ATXN3: variants seen among roughly 807,000 people sequenced by gnomAD.
ATXN3 encodes the protein ataxin 3.
In ATXN3, 28 loss-of-function variants were observed where a neutral mutation model predicts 58.2. The observed-to-expected ratio is 0.48, with a 90% CI of 0.36 to 0.66. The LOEUF (loss-of-function observed/expected upper bound fraction) is 0.66, where lower values mean the gene tolerates loss of function less well. Ranked by LOEUF, ATXN3 falls within the 30% of genes least tolerant of loss-of-function variation. The pLI is 0.00. For synonymous variants in ATXN3, 113 were observed against 138.5 expected (o/e 0.82, Z 1.29); for missense variants, 321 against 422.1 (o/e 0.76, Z 2.10).
intron 2 of ATXN3, 146 bp from the exon 3 acceptor site, chr14:92,096,283 C>G (rs1384380472): frequency 6.5e-7 from 1 of 1,533,722 alleles, no homozygotes; most frequent in Non-Finnish European, 8.7e-7. Flanking sequence ...CAGTCAGATC[C>G]CTATAGGAAG....
chr14:92,044,917 G>A (rs2057419361), exon 3 of ATXN3: 1 of 152,192 alleles, frequency 6.6e-6, no homozygotes, highest in Admixed American at 6.5e-5. Context: ...TTCTTAATAA[G>A]AACTGATCGT....
upstream of ATXN3, chr14:92,049,788 T>C (rs2057441841): frequency 6.6e-6 from 1 of 152,482 alleles, no homozygotes. Context: ...ACAGGCTTTG[T>C]GTGAGCAACA....
intron 4 of ATXN3, 82 bp downstream of exon 4, chr14:92,093,664 G>A (rs1997920): frequency 0.26 from 286,599 of 1,084,570 alleles, 39,936 homozygotes; most frequent in East Asian, 0.46. Flanking sequence ...TATTCAAAAT[G>A]TATTTCTCTT....
intron 1 of ATXN3, among the ~76,000 whole-genome samples, chr14:92,097,915 A>G (rs2065814666): frequency 6.6e-6 from 1 of 152,156 alleles, no homozygotes; most frequent in Non-Finnish European, 1.5e-5. Flanking sequence ...GGTAACATTT[A>G]TTTTACAAAT....
At chr14:92,078,357 A>ATTAT (rs71301947) in intron 9 of ATXN3, among the ~76,000 whole-genome samples, 34,508 of 150,110 alleles carry the variant, frequency 0.23, 4,883 homozygotes, top group Admixed American at 0.35. Context: ...GTTATTTTTT[A>ATTAT]TTATTTATTT....
intron 10 of ATXN3, among the ~76,000 whole-genome samples, chr14:92,066,601 G>GGTTT (rs1566910261): frequency 9.3e-6 from 1 of 107,022 alleles, no homozygotes; most frequent in African/African-American, 3.6e-5. Context: ...TTTTTTTCTT[G>GGTTT]TTTTTTTTTT....
At chr14:92,088,033 ATAGTT>A (rs1189825169) in intron 6 of ATXN3, among the ~76,000 whole-genome samples, 3 of 152,118 alleles carry the variant, frequency 2.0e-5, no homozygotes, top group Non-Finnish European at 4.4e-5. Flanking sequence ...AGGACAAGGG[ATAGTT>A]TAATCTAGGG....
intron 2 of ATXN3, among the ~76,000 whole-genome samples, chr14:92,046,726 C>T (rs2057429646): frequency 6.6e-6 from 1 of 152,054 alleles, no homozygotes; most frequent in Non-Finnish European, 1.5e-5. Context: ...AACCAGGTAT[C>T]CAAAGGCAAA....
chr14:92,049,398 C>T (rs1014317747), intron 1 of ATXN3, among the ~76,000 whole-genome samples: 1 of 152,144 alleles, frequency 6.6e-6, no homozygotes, highest in Admixed American at 6.5e-5. Flanking sequence ...ATCAGGCAGT[C>T]GTCCCTGCAG....
intron 1 of ATXN3, among the ~76,000 whole-genome samples, chr14:92,098,364 G>C (rs1382145861): frequency 6.6e-6 from 1 of 152,140 alleles, no homozygotes; most frequent in African/African-American, 2.4e-5. Flanking sequence ...GAGGTGGGTG[G>C]ACTGCTTGAG....
At chr14:92,076,644 A>T (rs1397573291) in intron 9 of ATXN3, among the ~76,000 whole-genome samples, 1 of 151,872 alleles carries the variant, frequency 6.6e-6, no homozygotes, top group African/African-American at 2.4e-5. Context: ...TATTTTGACA[A>T]AAAAGACTCT....
intron 6 of ATXN3, among the ~76,000 whole-genome samples, chr14:92,087,966 GACA>G (rs374939668): frequency 1.1e-3 from 168 of 152,042 alleles, no homozygotes; most frequent in African/African-American, 3.6e-3. Flanking sequence ...TAGAGAAAAA[GACA>G]ACGAGTCAGA....
chr14:92,104,200 G>A (rs2067581083), intron 1 of ATXN3, among the ~76,000 whole-genome samples: 1 of 152,128 alleles, frequency 6.6e-6, no homozygotes, highest in Non-Finnish European at 1.5e-5. Flanking sequence ...AAGTGCAGTG[G>A]CACGGTCTCG....
chr14:92,069,165 G>T (rs548554248), intron 10 of ATXN3, among the ~76,000 whole-genome samples: 1 of 147,560 alleles, frequency 6.8e-6, no homozygotes, highest in Non-Finnish European at 1.5e-5. Flanking sequence ...TGCAATCTCC[G>T]CCTCCCGGGT....
intron 9 of ATXN3, chr14:92,071,308 T>G: frequency 1.5e-6 from 1 of 649,992 alleles, no homozygotes; most frequent in African/African-American, 1.8e-5. Context: ...CAAAATAACC[T>G]ATCATGGCCA....
chr14:92,052,438 G>A (rs1430869664), upstream of ATXN3, among the ~76,000 whole-genome samples: 1 of 151,684 alleles, frequency 6.6e-6, no homozygotes, highest in African/African-American at 2.4e-5. Context: ...CGGTGAGCTG[G>A]ATATAGCGCC....
In ATXN3 at chr14:92,079,325, A is replaced by G. The variant is rs555141255; in HGVS notation, c.872+1640T>C. The stretch of plus-strand genomic sequence containing the variant: ...AATAAAAAAGTTAATTTTGAAACTT[A>G]AAAGTAAAAAGCACTAATAAGCACT... On this transcript the variant is annotated intron_variant, in intron 9 of 10. Coordinates refer to ENST00000644486, the MANE Select transcript of ATXN3 (RefSeq NM_004993.6). 5.4e-4 allele frequency: 291 copies of G among 536,772 alleles called. 2 individuals carry two copies. In the South Asian group the frequency reaches 0.014, roughly 27 times the overall value. 33.3% of individuals were successfully genotyped at this position (536,772 alleles called of 1,614,324 possible).
In ATXN3 at chr14:92,096,687, C is replaced by T. The variant is rs531719156; in HGVS notation, c.176G>A (p.Arg59His). Residue 59 changes from arginine (R) to histidine (H), a missense_variant, in exon 2 of 11, where the codon CGC becomes CAC. Arg to His is a conservative substitution (Grantham distance 29, BLOSUM62 0). This residue lies in a region of ATXN3 where 121 missense variants were observed against 198.9 expected (regional missense o/e 0.61). Coordinates refer to ENST00000644486, the MANE Select transcript of ATXN3 (RefSeq NM_004993.6). ...AEGGVTSEDY[R>H]TFLQQPSGNM... ...TAAAATCAGTACCTGTAAAAACGTG[C>T]GATAATCTTCACTAGTAACTCCTCC... 78 of 1,611,942 alleles carry T rather than the reference C, an allele frequency of 4.8e-5. No homozygotes were observed. Among genetic ancestry groups the T allele is most frequent in the African/African-American group, 8.0e-5 (6 of 74,772 alleles).
chr14:92,087,066 C>T (rs932845076), intron 6 of ATXN3, among the ~76,000 whole-genome samples: 1 of 152,120 alleles, frequency 6.6e-6, no homozygotes, highest in African/African-American at 2.4e-5. Context: ...AACGGAAAGC[C>T]ACAAGGAAGG....
Sources: gnomAD v4.1 joint callset for allele counts (sites outside exome capture counted in the v4.1 genomes callset) on GRCh38, gnomAD v4.1.1 for gene constraint, gnomAD v4.1.1 regional missense constraint, MANE v1.5 for transcripts, NCBI Gene and HGNC (gene_info 2026-07-23, HGNC 2026-07-21) for gene names.